The following SLCO6A1 variants were observed in gnomAD, a reference collection of about 807,000 sequenced individuals.
The protein encoded by SLCO6A1 is solute carrier organic anion transporter family member 6A1.
Under a neutral mutation model 72.7 loss-of-function variants are expected in SLCO6A1, and 65 were observed. That is an observed-to-expected ratio of 0.89 (90% CI 0.73 to 1.10). SLCO6A1 has a LOEUF of 1.10. Ranked by LOEUF, SLCO6A1 falls within the 50% of genes least tolerant of loss-of-function variation. The probability of loss-of-function intolerance (pLI) is 0.00; values close to 1 mark genes in which losing one functional copy is unlikely to be tolerated. For synonymous variants in SLCO6A1, 314 were observed against 298.2 expected (o/e 1.05, Z -0.55); for missense variants, 874 against 872.6 (o/e 1.00, Z -0.02).
intron 1 of SLCO6A1, among the ~76,000 whole-genome samples, chr5:102,480,743 AT>A (rs1027225551): frequency 6.6e-6 from 1 of 152,148 alleles, no homozygotes; most frequent in Non-Finnish European, 1.5e-5. Context: ...ATTTCACATT[AT>A]AAAAAATTTA....
At chr5:102,427,846 A>G (rs1748983794) in intron 7 of SLCO6A1, among the ~76,000 whole-genome samples, 4 of 46,046 alleles carry the variant, frequency 8.7e-5, no homozygotes, top group African/African-American at 1.2e-4. Flanking sequence ...GTATGTATAC[A>G]TATATATATA....
chr5:102,410,463 C>T (rs142385671), intron 9 of SLCO6A1, among the ~76,000 whole-genome samples: 52 of 152,224 alleles, frequency 3.4e-4, no homozygotes, highest in Non-Finnish European at 2.5e-4. Flanking sequence ...CTCCCATTCA[C>T]GAAGACTAGC....
chr5:102,396,429 T>C (rs1025680110), intron 10 of SLCO6A1, among the ~76,000 whole-genome samples: 3 of 152,212 alleles, frequency 2.0e-5, no homozygotes, highest in African/African-American at 7.2e-5. Flanking sequence ...TGTGCTTCTC[T>C]GTTTTAGATT....
chr5:102,435,418 T>G (rs1355890772), intron 7 of SLCO6A1, among the ~76,000 whole-genome samples: 1 of 151,562 alleles, frequency 6.6e-6, no homozygotes. Context: ...ATGGAACACA[T>G]GAATTGTTAC....
chr5:102,431,800 CCTT>C (rs1749233803), intron 7 of SLCO6A1, among the ~76,000 whole-genome samples: 1 of 152,000 alleles, frequency 6.6e-6, no homozygotes, highest in Admixed American at 6.6e-5. Flanking sequence ...TAATTTTCTG[CCTT>C]GACAACCTTT....
chr5:102,447,667 G>A (rs183450421), intron 6 of SLCO6A1, among the ~76,000 whole-genome samples: 18 of 152,254 alleles, frequency 1.2e-4, no homozygotes, highest in Non-Finnish European at 1.9e-4. Context: ...GCATAGTGGT[G>A]CTTGTAATAG....
At chr5:102,474,673 T>C (rs778129355) in intron 4 of SLCO6A1, among the ~76,000 whole-genome samples, 2 of 152,010 alleles carry the variant, frequency 1.3e-5, no homozygotes, top group Non-Finnish European at 2.9e-5. Context: ...CAAACCATTA[T>C]TGAAAAGAGG....
chr5:102,389,461 C>A (rs1209714034), intron 11 of SLCO6A1, among the ~76,000 whole-genome samples: 1 of 114,488 alleles, frequency 8.7e-6, no homozygotes, highest in Non-Finnish European at 1.9e-5. Context: ...CACCCCCACA[C>A]ACACAGAGTT....
intron 12 of SLCO6A1, among the ~76,000 whole-genome samples, 177 bp from the exon 13 acceptor site, chr5:102,373,671 T>C (rs1745612778): frequency 7.0e-6 from 1 of 141,872 alleles, no homozygotes; most frequent in Non-Finnish European, 1.6e-5. Flanking sequence ...AGGAGATTTT[T>C]AAATGTTTAT....
chr5:102,400,375 G>A (rs1747330824), intron 9 of SLCO6A1, among the ~76,000 whole-genome samples: 2 of 151,900 alleles, frequency 1.3e-5, no homozygotes, highest in South Asian at 4.1e-4. Flanking sequence ...CACCAATGTG[G>A]TGTAGATAAA....
intron 1 of SLCO6A1, among the ~76,000 whole-genome samples, chr5:102,492,657 C>CG (rs563104226): frequency 1.3e-5 from 2 of 152,110 alleles, no homozygotes; most frequent in Non-Finnish European, 1.5e-5. Flanking sequence ...CGGTGACAGA[C>CG]GGCACCTGGA....
intron 12 of SLCO6A1, among the ~76,000 whole-genome samples, chr5:102,385,142 C>T (rs1428384196): frequency 6.6e-6 from 1 of 152,140 alleles, no homozygotes; most frequent in African/African-American, 2.4e-5. Context: ...TATCATTCTA[C>T]TGTCTCTTGG....
At chr5:102,493,931 T>C (rs1470489385) in intron 1 of SLCO6A1, among the ~76,000 whole-genome samples, 1 of 152,112 alleles carries the variant, frequency 6.6e-6, no homozygotes, top group Non-Finnish European at 1.5e-5. Context: ...TTTAAAGAAA[T>C]TGACAAGTTT....
intron 10 of SLCO6A1, among the ~76,000 whole-genome samples, chr5:102,393,448 T>C (rs1176340444): frequency 6.6e-6 from 1 of 152,200 alleles, no homozygotes; most frequent in African/African-American, 2.4e-5. Flanking sequence ...CATCTGTTGT[T>C]CCCACTGTGT....
At chr5:102,482,610 A>G (rs1229909149) in intron 1 of SLCO6A1, among the ~76,000 whole-genome samples, 2 of 152,192 alleles carry the variant, frequency 1.3e-5, no homozygotes, top group African/African-American at 4.8e-5. Context: ...TATCTATAAG[A>G]CCAAAAGTTC....
At chr5:102,484,163 T>G (rs1289494673) in intron 1 of SLCO6A1, among the ~76,000 whole-genome samples, 2 of 152,184 alleles carry the variant, frequency 1.3e-5, no homozygotes, top group Non-Finnish European at 2.9e-5. Flanking sequence ...ATAATTTAAA[T>G]GACTCTTTTT....
At chr5:102,391,282 T>G in intron 10 of SLCO6A1, 1 of 484,932 alleles carries the variant, frequency 2.1e-6, no homozygotes, top group Non-Finnish European at 3.7e-6. Context: ...AAGAAGGTTT[T>G]TATGGCCCAA....
intron 12 of SLCO6A1, among the ~76,000 whole-genome samples, chr5:102,378,888 T>C (rs906894343): frequency 2.6e-5 from 4 of 152,084 alleles, no homozygotes; most frequent in African/African-American, 7.2e-5. Context: ...TTCAAGAGAT[T>C]CTCCTGCCTC....
intron 6 of SLCO6A1, among the ~76,000 whole-genome samples, chr5:102,451,091 G>A (rs534676278): frequency 5.3e-5 from 8 of 152,156 alleles, no homozygotes; most frequent in Non-Finnish European, 8.8e-5. Flanking sequence ...GAGTCACAGG[G>A]GCAGGATTCC....
Sources: gnomAD v4.1 joint callset for allele counts (sites outside exome capture counted in the v4.1 genomes callset) on GRCh38, gnomAD v4.1.1 for gene constraint, MANE v1.5 for transcripts, NCBI Gene and HGNC (gene_info 2026-07-23, HGNC 2026-07-21) for gene names.